The following MMP16 variants were observed in gnomAD, a reference collection of about 807,000 sequenced individuals.
MMP16 encodes the protein matrix metalloproteinase-16.
In MMP16, 12 loss-of-function variants were observed where a neutral mutation model predicts 67.8. That is an observed-to-expected ratio of 0.18 (90% CI 0.11 to 0.29). MMP16 has a LOEUF of 0.29. MMP16 is among the 10% of genes least tolerant of loss of function. The pLI, the probability that MMP16 is intolerant of heterozygous loss-of-function variation, is 1.00. For missense variants in MMP16, 475 were observed against 765.7 expected (o/e 0.62, Z 4.48); for synonymous variants, 249 against 255.9 (o/e 0.97, Z 0.26).
intron 2 of MMP16, among the ~76,000 whole-genome samples, chr8:88,191,906 A>G (rs142214207): frequency 6.6e-6 from 1 of 152,324 alleles, no homozygotes; most frequent in East Asian, 1.9e-4. Flanking sequence ...GCTCTGCCAC[A>G]CAGTGGCTCT....
At chr8:88,168,996 C>T (rs1014518792) in intron 3 of MMP16, among the ~76,000 whole-genome samples, 1 of 151,910 alleles carries the variant, frequency 6.6e-6, no homozygotes, top group African/African-American at 2.4e-5. Context: ...AAGTAATAAC[C>T]ATGCCCAGCT....
At chr8:88,111,316 C>A (rs1056187428) in intron 6 of MMP16, among the ~76,000 whole-genome samples, 2 of 151,630 alleles carry the variant, frequency 1.3e-5, no homozygotes, top group Non-Finnish European at 2.9e-5. Context: ...TATATCTAGA[C>A]CAATGCAGAC....
Position 88,118,850 on chromosome 8 carries a change from A to G in MMP16, c.721T>C (p.Phe241Leu). ...CCCAGTTCATGGACTGCTACAAGAA[A>G]TAAGTCATTTCCTGTGTGAACAAGA... ...GNPNHDGNDL[F>L]LVAVHELGHA... is the part of the protein sequence containing the mutation. Residue 241 changes from phenylalanine (F) to leucine (L), a missense_variant, in exon 5 of 10, where the codon TTT (phenylalanine) becomes CTT (leucine). By Grantham distance (22) the Phe-to-Leu change is conservative. Around this residue, in one of 5 missense-constraint regions of MMP16, gnomAD observed 195 missense variants for 300.9 expected, o/e 0.65. Transcript: ENST00000286614. 6.2e-7 allele frequency: 1 copy of G among 1,612,946 alleles called. No individual in the cohort carries two copies. Among genetic ancestry groups the G allele is most frequent in the Non-Finnish European group, 8.5e-7 (1 of 1,179,406 alleles).
chr8:88,086,866 T>C (rs1430036532), intron 6 of MMP16, among the ~76,000 whole-genome samples: 1 of 151,908 alleles, frequency 6.6e-6, no homozygotes, highest in Non-Finnish European at 1.5e-5. Context: ...TTGCTTTCCA[T>C]CAGAGTATGT....
chr8:88,220,929 CCACA>C (rs1809672445), intron 1 of MMP16, among the ~76,000 whole-genome samples: 2 of 152,106 alleles, frequency 1.3e-5, no homozygotes, highest in Admixed American at 6.6e-5. Context: ...ATAAATAAAT[CCACA>C]AAGAATTGTC....
rs1808792308 is a variant in MMP16 at position 88,083,880 on chromosome 8, A to C, written c.1084-9137T>G. On this transcript the variant is annotated intron_variant, in intron 6 of 9. Coordinates refer to ENST00000286614, the MANE Select transcript of MMP16 (RefSeq NM_005941.5). ...GAAGATATTTACCTATTACTAAAAA[A>C]CAGCCTGCAAAGTAAGCAAAGAACA... is the stretch of plus-strand genomic sequence containing the variant. Among the ~76,000 whole-genome samples, 3 of 152,054 alleles carry C rather than the reference A, an allele frequency of 2.0e-5. 1 individual carries two copies. In the South Asian group the frequency reaches 6.2e-4, roughly 31 times the overall value.
At chr8:88,182,106 A>G (rs1204873619) in intron 3 of MMP16, among the ~76,000 whole-genome samples, 1 of 152,128 alleles carries the variant, frequency 6.6e-6, no homozygotes, top group East Asian at 1.9e-4. Flanking sequence ...GATGATTTTT[A>G]ACATACAACG....
intron 3 of MMP16, among the ~76,000 whole-genome samples, chr8:88,176,077 T>C (rs1808885571): frequency 6.6e-6 from 1 of 152,214 alleles, no homozygotes; most frequent in Admixed American, 6.5e-5. Flanking sequence ...CAGGTAGTAT[T>C]GTTACAATAT....
At chr8:88,135,848 A>T (rs897735841) in intron 4 of MMP16, among the ~76,000 whole-genome samples, 6 of 151,920 alleles carry the variant, frequency 3.9e-5, no homozygotes, top group Non-Finnish European at 7.4e-5. Context: ...TATTCAGATG[A>T]GATTCCTATG....
chr8:88,160,216 G>A (rs1438481763), intron 4 of MMP16, among the ~76,000 whole-genome samples: 1 of 151,862 alleles, frequency 6.6e-6, no homozygotes, highest in Non-Finnish European at 1.5e-5. Flanking sequence ...GTGAGAACAT[G>A]CGGTGTTTGG....
intron 8 of MMP16, among the ~76,000 whole-genome samples, chr8:88,055,302 G>A (rs2118223444): frequency 6.6e-6 from 1 of 152,182 alleles, no homozygotes; most frequent in South Asian, 2.1e-4. Context: ...TTGCCTCCCT[G>A]GTTCAAGTGA....
chr8:88,126,864 T>C (rs565472757), intron 4 of MMP16, among the ~76,000 whole-genome samples: 9 of 151,964 alleles, frequency 5.9e-5, no homozygotes, highest in Non-Finnish European at 7.4e-5. Flanking sequence ...CCATCAAGTA[T>C]ATAAAATATT....
chr8:88,179,468 C>A (rs975720648), intron 3 of MMP16, among the ~76,000 whole-genome samples: 4 of 150,668 alleles, frequency 2.7e-5, no homozygotes, highest in South Asian at 2.1e-4. Flanking sequence ...AGAAGTTCTT[C>A]AGAAAGAAGA....
At chr8:88,111,116 T>A (rs1187924997) in intron 6 of MMP16, among the ~76,000 whole-genome samples, 1 of 151,624 alleles carries the variant, frequency 6.6e-6, no homozygotes, top group Non-Finnish European at 1.5e-5. Context: ...GATGATCTTA[T>A]CCAAATGTAA....
At chr8:88,062,703 T>C (rs1057024666) in intron 7 of MMP16, among the ~76,000 whole-genome samples, 5 of 152,030 alleles carry the variant, frequency 3.3e-5, no homozygotes, top group African/African-American at 1.2e-4. Flanking sequence ...ATATACCTAA[T>C]GTAAATGACG....
chr8:88,294,541 T>C (rs1055580806), intron 1 of MMP16, among the ~76,000 whole-genome samples: 10 of 149,996 alleles, frequency 6.7e-5, no homozygotes, highest in Admixed American at 1.3e-4. Flanking sequence ...TCTATACACA[T>C]ATATGTATAT....
intron 1 of MMP16, among the ~76,000 whole-genome samples, chr8:88,201,069 C>A (rs762355882): frequency 2.0e-5 from 3 of 148,022 alleles, no homozygotes; most frequent in Non-Finnish European, 4.5e-5. Context: ...AACTTCCCCA[C>A]TGATAGGACA....
intron 4 of MMP16, among the ~76,000 whole-genome samples, chr8:88,125,129 C>T (rs1390280146): frequency 2.7e-5 from 4 of 150,654 alleles, no homozygotes; most frequent in African/African-American, 7.3e-5. Flanking sequence ...TTTGGCTGCT[C>T]AAAGAGCTTT....
At chr8:88,327,007 G>A in intron 1 of MMP16, 68 bp downstream of exon 1, 2 of 1,597,532 alleles carry the variant, frequency 1.3e-6, no homozygotes, top group Non-Finnish European at 8.6e-7. Flanking sequence ...AGGATCCCAG[G>A]AGTGAAGGAA....
Sources: gnomAD v4.1 joint callset for allele counts (sites outside exome capture counted in the v4.1 genomes callset) on GRCh38, gnomAD v4.1.1 for gene constraint, gnomAD v4.1.1 regional missense constraint, MANE v1.5 for transcripts, NCBI Gene and HGNC (gene_info 2026-07-23, HGNC 2026-07-21) for gene names.